Variants in GLDC observed in about 807,000 individuals in gnomAD.
GLDC encodes glycine dehydrogenase (decarboxylating), mitochondrial.
Under a neutral mutation model 121.3 loss-of-function variants are expected in GLDC, and 104 were observed. The observed-to-expected ratio is 0.86, with a 90% CI of 0.73 to 1.01. The LOEUF (loss-of-function observed/expected upper bound fraction) is 1.01, where lower values mean the gene tolerates loss of function less well. Ranked by LOEUF, GLDC falls within the 50% of genes least tolerant of loss-of-function variation. GLDC has a pLI of 0.00. For synonymous variants in GLDC, 546 were observed against 480.6 expected, an observed-to-expected ratio of 1.14 and a Z score of -1.78; for missense variants, 1,429 against 1,306.6, an observed-to-expected ratio of 1.09 and a Z score of -1.44.
chr9:6,562,507 G>A (rs1309722178), intron 16 of GLDC, among the ~76,000 whole-genome samples: 1 of 152,166 alleles, frequency 6.6e-6, no homozygotes, highest in Non-Finnish European at 1.5e-5. Context: ...AATCTTCCCT[G>A]ATTAGTGAAT....
At chr9:6,569,923 G>C (rs13288399) in intron 15 of GLDC, among the ~76,000 whole-genome samples, 46,045 of 150,926 alleles carry the variant, frequency 0.31, 7,547 homozygotes, top group African/African-American at 0.43. Context: ...CTGCAGTGAT[G>C]TAAGATCGCG....
intron 23 of GLDC, 192 bp downstream of exon 23, chr9:6,535,872 T>C (rs1817115953): frequency 9.6e-6 from 6 of 623,018 alleles, no homozygotes; most frequent in Non-Finnish European, 1.8e-5. Flanking sequence ...AACCACATCA[T>C]CCTTGAGTAA....
chr9:6,614,161 C>T (rs142804002), intron 3 of GLDC, among the ~76,000 whole-genome samples: 234 of 152,282 alleles, frequency 1.5e-3, no homozygotes, highest in African/African-American at 5.4e-3. Context: ...TCTGCATTCT[C>T]TTAAACACTA....
chr9:6,556,120 TG>T (rs1403306549), intron 18 of GLDC, 32 bp downstream of exon 18: 6 of 1,584,736 alleles, frequency 3.8e-6, no homozygotes, highest in Non-Finnish European at 5.2e-6. Context: ...ATTTTCTCAG[TG>T]GGAACTAAGG....
intron 2 of GLDC, among the ~76,000 whole-genome samples, chr9:6,636,572 A>T (rs1291600443): frequency 6.6e-6 from 1 of 152,068 alleles, no homozygotes; most frequent in Non-Finnish European, 1.5e-5. Context: ...GAGCCCAGGA[A>T]TTCGAGACCA....
intron 9 of GLDC, among the ~76,000 whole-genome samples, chr9:6,593,935 C>T (rs1818436055): frequency 6.6e-6 from 1 of 152,028 alleles, no homozygotes; most frequent in Non-Finnish European, 1.5e-5. Context: ...TCAAGTGATC[C>T]ACCCGCCTCA....
At chr9:6,618,476 T>C (rs976686915) in intron 3 of GLDC, among the ~76,000 whole-genome samples, 35 of 151,988 alleles carry the variant, frequency 2.3e-4, no homozygotes, top group African/African-American at 8.0e-4. Context: ...CCCAGCTAAT[T>C]TTGTATTTTT....
chr9:6,534,197 AAAAAG>A, intron 24 of GLDC: 3 of 160,554 alleles, frequency 1.9e-5, no homozygotes, highest in Admixed American at 6.0e-5. Flanking sequence ...AAAAAAAAAA[AAAAAG>A]AAAGAAAAAA....
At chr9:6,605,337 A>ATATATAT in intron 5 of GLDC, 59 bp from the exon 6 acceptor site, 1 of 1,561,836 alleles carries the variant, frequency 6.4e-7, no homozygotes, top group Non-Finnish European at 8.8e-7. Context: ...AAAATTAATT[A>ATATATAT]ACGTTTCTTT....
intron 11 of GLDC, 38 bp downstream of exon 11, chr9:6,592,105 T>C (rs1432478556): frequency 4.0e-6 from 5 of 1,248,652 alleles, no homozygotes; most frequent in East Asian, 2.3e-5. Context: ...CCACCTCCAA[T>C]AGTTATGATG....
chr9:6,571,497 T>C (rs1481302805), intron 15 of GLDC, among the ~76,000 whole-genome samples: 1 of 152,166 alleles, frequency 6.6e-6, no homozygotes, highest in Non-Finnish European at 1.5e-5. Flanking sequence ...AATGAGACAT[T>C]GCAGTGAGAT....
chr9:6,558,440 G>T (rs1587926708), intron 17 of GLDC, 119 bp downstream of exon 17: 6 of 1,181,066 alleles, frequency 5.1e-6, no homozygotes, highest in South Asian at 4.9e-5. Context: ...GTCAAAGGAA[G>T]AACTGCAGAC....
Position 6,610,316 on chromosome 9 carries a change from C to A in GLDC, c.511G>T (p.Gly171Trp). Reference protein sequence around the residue: ...YTPYQPEVSQGRLESLLNYQT... With the variant: ...YTPYQPEVSQWRLESLLNYQT... The stretch of plus-strand genomic sequence containing the variant: ...TAGTTGAGTAAACTCTCCAGCCTCC[C>A]CTGAGACACCTCAGGCTGGTATGGA... Residue 171 changes from glycine (G) to tryptophan (W), a missense_variant, in exon 4 of 25, where the codon GGG becomes TGG. Coordinates refer to ENST00000321612, the MANE Select transcript of GLDC (RefSeq NM_000170.3). The A allele has an allele frequency of 1.2e-6, 2 of 1,613,928 alleles. No individual in the cohort carries two copies. Among genetic ancestry groups the A allele is most frequent in the Non-Finnish European group, 1.7e-6 (2 of 1,179,840 alleles).
At chr9:6,584,890 T>A (rs547388837) in intron 15 of GLDC, 3 of 151,982 alleles carry the variant, frequency 2.0e-5, no homozygotes, top group Non-Finnish European at 1.5e-5. Context: ...GGGTGTGGAG[T>A]CTCACTGTCC....
chr9:6,632,463 TCA>T (rs1336469928), intron 2 of GLDC, among the ~76,000 whole-genome samples: 2 of 152,252 alleles, frequency 1.3e-5, no homozygotes, highest in Non-Finnish European at 2.9e-5. Context: ...ACTAAAATTC[TCA>T]GTTTGCATTT....
intron 7 of GLDC, among the ~76,000 whole-genome samples, chr9:6,602,915 T>C (rs952101880): frequency 6.6e-5 from 10 of 151,922 alleles, no homozygotes; most frequent in Non-Finnish European, 1.2e-4. Context: ...TAAAAAATAA[T>C]ACAACAATTA....
intron 15 of GLDC, among the ~76,000 whole-genome samples, chr9:6,584,687 G>A (rs1355694474): frequency 2.6e-5 from 4 of 152,184 alleles, no homozygotes; most frequent in Non-Finnish European, 5.9e-5. Context: ...ATCTGTCACA[G>A]CAGCTTCTGC....
At chr9:6,584,808 G>A (rs943729760) in intron 15 of GLDC, among the ~76,000 whole-genome samples, 4 of 152,192 alleles carry the variant, frequency 2.6e-5, no homozygotes, top group Admixed American at 1.3e-4. Context: ...GGAATCTCAG[G>A]AACTGGAGAA....
intron 1 of GLDC, 151 bp downstream of exon 1, chr9:6,645,093 GC>G (rs1819714008): frequency 5.6e-6 from 4 of 711,712 alleles, no homozygotes; most frequent in Admixed American, 3.1e-5. Flanking sequence ...AGGACCAAAG[GC>G]ACGAATTTGC....
Sources: allele counts gnomAD v4.1 joint callset (sites outside exome capture counted in the v4.1 genomes callset), GRCh38; gene constraint gnomAD v4.1.1; transcripts MANE v1.5; gene names NCBI Gene and HGNC (gene_info 2026-07-23, HGNC 2026-07-21).